Variants in SLC26A3 observed in about 807,000 individuals in gnomAD.
SLC26A3 encodes chloride anion exchanger.
Under a neutral mutation model 85.6 loss-of-function variants are expected in SLC26A3, and 64 were observed. The observed-to-expected ratio is 0.75, with a 90% CI of 0.61 to 0.92. The LOEUF (loss-of-function observed/expected upper bound fraction) is 0.92. SLC26A3 is among the 40% of genes least tolerant of loss of function. The probability of loss-of-function intolerance (pLI) is 0.00; values close to 1 mark genes in which losing one functional copy is unlikely to be tolerated. For synonymous variants in SLC26A3, 349 were observed against 336.0 expected, an observed-to-expected ratio of 1.04 and a Z score of -0.42; for missense variants, 922 against 927.3, an observed-to-expected ratio of 0.99 and a Z score of 0.07.
chr7:107,770,156 T>TC, intron 18 of SLC26A3, among the ~76,000 whole-genome samples: 1 of 10,428 alleles, frequency 9.6e-5, no homozygotes. Flanking sequence ...TTTCTTTCTT[T>TC]TTTTTTTTTT....
At chr7:107,787,240 C>T (rs1794312393) in intron 7 of SLC26A3, 117 bp downstream of exon 7, 10 of 1,034,024 alleles carry the variant, frequency 9.7e-6, no homozygotes, top group African/African-American at 3.2e-5. Context: ...ACATTATGCC[C>T]GAAAACTGCA....
At chr7:107,783,632 T>C (rs572811371) in intron 8 of SLC26A3, among the ~76,000 whole-genome samples, 10 of 152,362 alleles carry the variant, frequency 6.6e-5, no homozygotes, top group African/African-American at 2.4e-4. Context: ...TGTGCGTGTG[T>C]ATTCTTATAA....
chr7:107,789,415 T>C, intron 6 of SLC26A3, 109 bp downstream of exon 6: 1 of 1,128,862 alleles, frequency 8.9e-7, no homozygotes, highest in Non-Finnish European at 1.3e-6. Context: ...GAAAAAATTT[T>C]ACAAACTGTA....
chr7:107,796,170 C>T (rs942807535), intron 1 of SLC26A3, among the ~76,000 whole-genome samples: 2 of 151,828 alleles, frequency 1.3e-5, no homozygotes, highest in Non-Finnish European at 2.9e-5. Flanking sequence ...TGCAGTGGTG[C>T]AATCATAGCT....
intron 1 of SLC26A3, among the ~76,000 whole-genome samples, chr7:107,796,509 C>A (rs1404731853): frequency 6.6e-6 from 1 of 152,174 alleles, no homozygotes; most frequent in African/African-American, 2.4e-5. Flanking sequence ...TCTCTCCACC[C>A]ACACTTCAGG....
At chr7:107,772,614 A>G (rs1172140574) in intron 17 of SLC26A3, among the ~76,000 whole-genome samples, 1 of 152,212 alleles carries the variant, frequency 6.6e-6, no homozygotes, top group African/African-American at 2.4e-5. Context: ...GTAAAGTAAG[A>G]AAAGTAGCTT....
At chr7:107,792,324 T>C (rs112883767) in intron 3 of SLC26A3, among the ~76,000 whole-genome samples, 12 of 152,138 alleles carry the variant, frequency 7.9e-5, no homozygotes, top group Admixed American at 2.0e-4. Context: ...TATTACATTG[T>C]AATATTTAAT....
chr7:107,788,814 C>T (rs1352127099), intron 6 of SLC26A3, among the ~76,000 whole-genome samples: 13 of 119,826 alleles, frequency 1.1e-4, no homozygotes, highest in African/African-American at 3.6e-4. Flanking sequence ...GACTATGTCT[C>T]GCTCTGTTGC....
At chr7:107,766,294 T>C (rs985376690) in intron 20 of SLC26A3, among the ~76,000 whole-genome samples, 1 of 152,188 alleles carries the variant, frequency 6.6e-6, no homozygotes, top group Admixed American at 6.5e-5. Flanking sequence ...CTAGCTAGAT[T>C]TGTTAGACAA....
At chr7:107,802,499 T>C (rs1382311131) in intron 1 of SLC26A3, among the ~76,000 whole-genome samples, 1 of 152,110 alleles carries the variant, frequency 6.6e-6, no homozygotes, top group Non-Finnish European at 1.5e-5. Context: ...GTCTAGCAGA[T>C]AAATCTCTCA....
intron 10 of SLC26A3, 48 bp downstream of exon 10, chr7:107,782,932 C>T: frequency 6.2e-7 from 1 of 1,613,124 alleles, no homozygotes; most frequent in Non-Finnish European, 8.5e-7. Flanking sequence ...CTTGAATTTC[C>T]TAGTTACTAA....
At chr7:107,774,672 C>A (rs1352059564) in intron 16 of SLC26A3, 105 bp downstream of exon 16, 5 of 863,132 alleles carry the variant, frequency 5.8e-6, no homozygotes, top group African/African-American at 1.6e-5. Flanking sequence ...CACATGAAAT[C>A]CCTTGTTTAT....
chr7:107,770,235 T>C (rs1584400684), intron 18 of SLC26A3, among the ~76,000 whole-genome samples: 7 of 29,682 alleles, frequency 2.4e-4, no homozygotes, highest in East Asian at 8.2e-4. Flanking sequence ...TTTTTTTTTT[T>C]TTTTTTTTTT....
At position 107,798,937 on chromosome 7, in the gene SLC26A3, T is replaced by C. The variant is rs370635064; in HGVS notation, c.-89+4174A>G. ...TATACTTGGGGGAGTGGGTGAGAGA[T>C]GGGGGAACAAGCAGAATAATTGCTC... On this transcript the variant is annotated intron_variant, in intron 1 of 20. Transcript: ENST00000340010. Among the ~76,000 whole-genome samples the C allele has an allele frequency of 4.6e-5, 7 of 151,936 alleles. No individual in the cohort carries two copies. The South Asian group carries it at 6.2e-4, about 14-fold the overall frequency.
At chr7:107,789,054 T>G (rs180773291) in intron 6 of SLC26A3, among the ~76,000 whole-genome samples, 16 of 151,894 alleles carry the variant, frequency 1.1e-4, no homozygotes, top group Admixed American at 4.6e-4. Flanking sequence ...GCTCCCAAAG[T>G]GCTGGGATTA....
intron 1 of SLC26A3, among the ~76,000 whole-genome samples, chr7:107,801,610 C>T (rs1024051623): frequency 2.6e-5 from 4 of 152,142 alleles, no homozygotes; most frequent in Admixed American, 1.3e-4. Context: ...TTCTCATTTT[C>T]TGAACGATTT....
intron 1 of SLC26A3, among the ~76,000 whole-genome samples, chr7:107,800,675 T>G (rs1794583491): frequency 6.6e-6 from 1 of 152,216 alleles, no homozygotes; most frequent in Non-Finnish European, 1.5e-5. Context: ...TTTGTTGAAA[T>G]AAACTGAACT....
Position 107,768,716 on chromosome 7 carries a change from TC to T in SLC26A3, c.2063-809del, listed in dbSNP as rs1407599843. ...GTTGAATATATGAGAGAGATATAGA[TC>T]ATGTACTATGAAAATTCTGAGAAAT... On this transcript the variant is annotated intron_variant, in intron 18 of 20. Coordinates refer to ENST00000340010, the MANE Select transcript of SLC26A3 (RefSeq NM_000111.3). 7.9e-5 allele frequency among the ~76,000 whole-genome samples: 12 copies of T among 152,328 alleles called. No individual in the cohort carries two copies. The East Asian group carries it at 2.3e-3, about 29-fold the overall frequency.
In SLC26A3 at chr7:107,791,842, G is replaced by C; in HGVS notation, c.370C>G (p.His124Asp). Residue 124 changes from histidine to aspartate, a missense_variant, in exon 4 of 21, where the codon CAC becomes GAC. Physicochemically the swap from His to Asp is moderately conservative, Grantham distance 81. Transcript: ENST00000340010. ...GTAACTGACTTACCCACGGATATGTGTCTGGAAGTGCCGAAGAAAAGGTAG... is the reference window on the plus strand; with the variant it reads ...GTAACTGACTTACCCACGGATATGTCTCTGGAAGTGCCGAAGAAAAGGTAG... ...IIYLFFGTSR[H>D]ISVGPFPILS... 1.2e-6 allele frequency: 2 copies of C among 1,606,928 alleles called. No homozygotes were observed. The highest frequency in any genetic ancestry group is 1.7e-6 in the Non-Finnish European group (2 of 1,173,554).
Sources: allele counts gnomAD v4.1 joint callset (sites outside exome capture counted in the v4.1 genomes callset), GRCh38; gene constraint gnomAD v4.1.1; transcripts MANE v1.5; gene names NCBI Gene and HGNC (gene_info 2026-07-23, HGNC 2026-07-21).